SIGLEC15: variants seen among roughly 807,000 people sequenced by gnomAD.
SIGLEC15 encodes the protein sialic acid binding Ig like lectin 15, also known as sialic acid-binding Ig-like lectin 15.
In SIGLEC15, 31 loss-of-function variants were observed where a neutral mutation model predicts 26.2. The observed-to-expected ratio is 1.18, with a 90% CI of 0.89 to 1.60. SIGLEC15 has a LOEUF of 1.60. Ranked by LOEUF, SIGLEC15 falls within the 40% of genes most tolerant of loss-of-function variation. The pLI is 0.00. For missense variants in SIGLEC15, 501 were observed against 488.4 expected (o/e 1.03, Z -0.24); for synonymous variants, 207 against 221.9 (o/e 0.93, Z 0.60).
At chr18:45,841,633 C>T (rs1170896288) in intron 5 of SIGLEC15, among the ~76,000 whole-genome samples, 1 of 152,116 alleles carries the variant, frequency 6.6e-6, no homozygotes, top group Non-Finnish European at 1.5e-5. Context: ...GGGCAGCACA[C>T]AGTGTGAGAG....
At chr18:45,833,528 G>A (rs1050570211) in intron 1 of SIGLEC15, among the ~76,000 whole-genome samples, 2 of 152,076 alleles carry the variant, frequency 1.3e-5, no homozygotes, top group African/African-American at 4.8e-5. Context: ...AGCCAGGCTG[G>A]TCTGGAACTC....
intron 1 of SIGLEC15, among the ~76,000 whole-genome samples, chr18:45,830,804 T>G (rs2048229705): frequency 6.7e-6 from 1 of 149,956 alleles, no homozygotes; most frequent in South Asian, 2.1e-4. Flanking sequence ...TTCACCATAT[T>G]GGCCAGGCTG....
At chr18:45,828,228 T>C (rs1400335706) in intron 1 of SIGLEC15, among the ~76,000 whole-genome samples, 3 of 152,184 alleles carry the variant, frequency 2.0e-5, no homozygotes, top group African/African-American at 7.2e-5. Flanking sequence ...GTCCCTTCCC[T>C]AGCCCAGAAC....
intron 1 of SIGLEC15, among the ~76,000 whole-genome samples, chr18:45,828,263 G>T (rs754751220): frequency 6.6e-6 from 1 of 152,166 alleles, no homozygotes; most frequent in Non-Finnish European, 1.5e-5. Context: ...AGAAAAGTGG[G>T]AAGCATTTGT....
Position 45,837,649 on chromosome 18 carries a change from G to A in SIGLEC15, c.249G>A (p.Ala83=), listed in dbSNP as rs1013132668. 27 of 1,505,264 alleles carry A rather than the reference G, an allele frequency of 1.8e-5. No homozygotes were observed. Among genetic ancestry groups the A allele is most frequent in the African/African-American group, 4.3e-5 (3 of 69,072 alleles). The allele number at this position is 1,505,264 out of a possible 1,614,324, so 93.2% of individuals were successfully genotyped here. A position where few individuals can be genotyped will look rare whatever the true frequency, so the allele number is the denominator to read the frequency against. The change falls in exon 3 of 6, where the codon GCG becomes GCA. Residue 83 remains alanine (A), a synonymous_variant. Coordinates refer to ENST00000389474, the MANE Select transcript of SIGLEC15 (RefSeq NM_213602.3). ...YDGPLTAIWR[A]GEPYAGPQVF... ...GGCCGCTGACGGCCATCTGGCGCGC[G>A]GGCGAGCCCTATGCGGGCCCGCAGG...
rs1244743593 is a variant in SIGLEC15 at position 45,839,062 on chromosome 18, G to A, written c.841G>A (p.Val281Ile). The A allele has an allele frequency of 2.7e-6, 4 of 1,483,336 alleles. No individual in the cohort carries two copies. Among genetic ancestry groups the A allele is most frequent in the Non-Finnish European group, 1.8e-6 (2 of 1,128,512 alleles). 91.9% of individuals were successfully genotyped at this position (1,483,336 alleles called of 1,614,324 possible). A position where few individuals can be genotyped will look rare whatever the true frequency, so the allele number is the denominator to read the frequency against. Residue 281 changes from valine (V) to isoleucine (I), a missense_variant, in exon 4 of 6, where the codon GTC becomes ATC. By Grantham distance (29) the Val-to-Ile change is conservative. Transcript: ENST00000389474. ...CTTCAAGGCGCTGCTGCTGCTCGGG[G>A]TCCTGGCCGCCCGCGCTGCCCGCCG... is the stretch of plus-strand genomic sequence containing the variant. ...LGFKALLLLG[V>I]LAARAARRRP...
chr18:45,836,440 T>C (rs1416172964), intron 1 of SIGLEC15, among the ~76,000 whole-genome samples: 1 of 152,076 alleles, frequency 6.6e-6, no homozygotes, highest in Non-Finnish European at 1.5e-5. Context: ...AGCCTGCCCT[T>C]TCTCCTTGGG....
At chr18:45,832,307 C>T (rs567108897) in intron 1 of SIGLEC15, among the ~76,000 whole-genome samples, 60 of 151,824 alleles carry the variant, frequency 4.0e-4, no homozygotes, top group African/African-American at 1.4e-3. Context: ...GAGCCTAGGA[C>T]GTGCCAGGCA....
chr18:45,842,191 G>C lies in SIGLEC15; in HGVS notation c.*4G>C. The C allele has an allele frequency of 1.2e-6, 2 of 1,614,124 alleles. No homozygotes were observed. Among genetic ancestry groups the C allele is most frequent in the Non-Finnish European group, 8.5e-7 (1 of 1,179,970 alleles). On this transcript the variant is annotated 3_prime_UTR_variant, in exon 6 of 6. Transcript: ENST00000389474. ...AGCCACCATGTGCTCACCGTGAGGA[G>C]TCCCTCAGCCACCAACATCCATTTC...
chr18:45,842,461 G>A lies in SIGLEC15; in HGVS notation c.*274G>A. On this transcript the variant is annotated 3_prime_UTR_variant, in exon 6 of 6. Transcript: ENST00000389474. ...TGTGTGTGAGAGAGAGAGAGAGAGA[G>A]TACACGCATTAGCTTGAGCGTGAAA... The A allele has an allele frequency of 2.4e-6, 1 of 416,366 alleles. No homozygotes were observed. Among genetic ancestry groups the A allele is most frequent in the South Asian group, 3.6e-5 (1 of 27,686 alleles). The allele number at this position is 416,366 out of a possible 1,614,324, so 25.8% of individuals were successfully genotyped here.
At position 45,842,130 on chromosome 18, in the gene SIGLEC15, T is replaced by A. The variant is rs1458910329; in HGVS notation, c.930T>A (p.Tyr310Ter). Residue 310 changes from tyrosine (Y) to a stop codon, truncating the protein, a stop_gained, in exon 6 of 6, where the codon TAT becomes TAA. Coordinates refer to ENST00000389474, the MANE Select transcript of SIGLEC15 (RefSeq NM_213602.3). LOFTEE classifies it low-confidence loss of function (END_TRUNC). ...GGTCCCAGGCCCAGGAGTCCAATTA[T>A]GAAAATTTGAGCCAGATGAACCCCC... ...PPRSQAQESN[Y>*]ENLSQMNPRS... 1 of 1,614,200 alleles carries A rather than the reference T, an allele frequency of 6.2e-7. No individual in the cohort carries two copies. The highest frequency in any genetic ancestry group is 2.2e-5 in the East Asian group (1 of 44,888).
chr18:45,831,760 G>A (rs1478563643), intron 1 of SIGLEC15, among the ~76,000 whole-genome samples: 5 of 148,496 alleles, frequency 3.4e-5, no homozygotes, highest in East Asian at 1.9e-4. Context: ...TTTTTTTGGC[G>A]GAGTTTCACT....
intron 1 of SIGLEC15, among the ~76,000 whole-genome samples, chr18:45,829,839 C>T (rs2048217616): frequency 1.3e-5 from 2 of 152,248 alleles, no homozygotes; most frequent in South Asian, 4.1e-4. Context: ...GGTGACTGCC[C>T]ACTTGGTTCC....
chr18:45,835,412 T>G (rs1807963635), intron 1 of SIGLEC15, among the ~76,000 whole-genome samples: 1 of 152,128 alleles, frequency 6.6e-6, no homozygotes, highest in African/African-American at 2.4e-5. Flanking sequence ...AATTATGGGA[T>G]GGAGGCAACG....
chr18:45,828,124 A>G (rs1214090689), intron 1 of SIGLEC15, among the ~76,000 whole-genome samples: 1 of 152,316 alleles, frequency 6.6e-6, no homozygotes, highest in Admixed American at 6.5e-5. Flanking sequence ...CGGCCTGGGC[A>G]GGAGGCCCGA....
At chr18:45,834,438 CA>C (rs2048259995) in intron 1 of SIGLEC15, among the ~76,000 whole-genome samples, 1 of 152,190 alleles carries the variant, frequency 6.6e-6, no homozygotes, top group Non-Finnish European at 1.5e-5. Flanking sequence ...CTCTGAGGCA[CA>C]GGGGAGGGAG....
At chr18:45,840,153 C>T (rs2048313016) in intron 4 of SIGLEC15, 58 bp from the exon 5 acceptor site, 7 of 1,597,600 alleles carry the variant, frequency 4.4e-6, no homozygotes, top group Middle Eastern at 1.7e-4. Context: ...GGGGTGGGCG[C>T]ACAGGCTGCA....
intron 4 of SIGLEC15, 41 bp from the exon 5 acceptor site, chr18:45,840,170 G>A (rs1056167918): frequency 1.8e-5 from 29 of 1,610,436 alleles, no homozygotes; most frequent in Admixed American, 6.7e-5. Context: ...TGCAGACTGC[G>A]GTGGAGATTC....
At chr18:45,839,126 A>G in intron 4 of SIGLEC15, 31 bp downstream of exon 4, 1 of 1,360,784 alleles carries the variant, frequency 7.3e-7, no homozygotes, top group South Asian at 1.8e-5. Context: ...GGTGGCCGCG[A>G]GGGGCCGGGC....
Sources: gnomAD v4.1 joint callset for allele counts (sites outside exome capture counted in the v4.1 genomes callset) on GRCh38, gnomAD v4.1.1 for gene constraint, MANE v1.5 for transcripts, NCBI Gene and HGNC (gene_info 2026-07-23, HGNC 2026-07-21) for gene names.